MUC7: variants seen among roughly 807,000 people sequenced by gnomAD.
MUC7 encodes the protein mucin-7.
Under a neutral mutation model 2.5 loss-of-function variants are expected in MUC7, and 2 were observed. The ratio of observed to expected loss-of-function variants is 0.81; its 90% CI spans 0.33 to 2.55. MUC7 has a LOEUF of 2.55. Ranked by LOEUF, MUC7 falls within the 30% of genes most tolerant of loss-of-function variation. The pLI, the probability that MUC7 is intolerant of heterozygous loss-of-function variation, is 0.11. For missense variants in MUC7, 408 were observed against 455.6 expected (o/e 0.90, Z 0.95); for synonymous variants, 133 against 173.4 (o/e 0.77, Z 1.83).
chr4:70,481,654 AC>A lies in MUC7; in HGVS notation c.911del (p.Thr304LysfsTer60). ...PPSSPAPQET[T>X]AAPITTPNSS... ...GTCTTCCCCAGCTCCACAAGAGACCACAGCTGCCCCAATTACCACACCTAAT... is the reference window on the plus strand; with the variant it reads ...GTCTTCCCCAGCTCCACAAGAGACCAAGCTGCCCCAATTACCACACCTAAT... On this transcript the variant is annotated frameshift_variant, in exon 3 of 3. Transcript: ENST00000304887. LOFTEE classifies it low-confidence loss of function (END_TRUNC). The A allele has an allele frequency of 6.2e-7, 1 of 1,614,142 alleles. No individual in the cohort carries two copies. Among genetic ancestry groups the A allele is most frequent in the East Asian group, 2.2e-5 (1 of 44,882 alleles).
At chr4:70,458,845 A>G (rs1410315396) in intron 1 of MUC7, among the ~76,000 whole-genome samples, 1 of 152,120 alleles carries the variant, frequency 6.6e-6, no homozygotes, top group Admixed American at 6.5e-5. Flanking sequence ...AACAGAAAAA[A>G]AGAAAAATTG....
At chr4:70,431,984 A>G (rs899539480) in intron 1 of MUC7, among the ~76,000 whole-genome samples, 1 of 151,980 alleles carries the variant, frequency 6.6e-6, no homozygotes, top group Non-Finnish European at 1.5e-5. Flanking sequence ...ACCTATGAGT[A>G]AGAACATGCA....
intron 1 of MUC7, among the ~76,000 whole-genome samples, chr4:70,435,498 T>C (rs1462371093): frequency 1.3e-5 from 2 of 152,270 alleles, no homozygotes; most frequent in African/African-American, 4.8e-5. Context: ...GTTTAAAGTC[T>C]GTTTTATCAG....
intron 2 of MUC7, among the ~76,000 whole-genome samples, chr4:70,479,707 A>C (rs1361812852): frequency 2.0e-5 from 3 of 152,232 alleles, no homozygotes; most frequent in African/African-American, 7.2e-5. Flanking sequence ...CTCTAACTCA[A>C]ATAATGTCAG....
chr4:70,478,013 C>T (rs553569727), intron 2 of MUC7, among the ~76,000 whole-genome samples: 2 of 152,078 alleles, frequency 1.3e-5, no homozygotes, highest in East Asian at 3.9e-4. Context: ...CTAAATCCAA[C>T]TCTAGTCTAC....
chr4:70,479,439 T>C (rs1262433393), intron 2 of MUC7, among the ~76,000 whole-genome samples: 4 of 152,218 alleles, frequency 2.6e-5, no homozygotes, highest in African/African-American at 9.6e-5. Context: ...CTAAACTTTG[T>C]GTCCAAAGAA....
intron 1 of MUC7, among the ~76,000 whole-genome samples, chr4:70,441,041 C>G (rs1733991738): frequency 6.6e-6 from 1 of 152,038 alleles, no homozygotes; most frequent in South Asian, 2.1e-4. Context: ...AAAGAGTAAA[C>G]TATAAAGATT....
chr4:70,444,957 C>T (rs1734091546), intron 1 of MUC7, among the ~76,000 whole-genome samples: 1 of 152,134 alleles, frequency 6.6e-6, no homozygotes, highest in African/African-American at 2.4e-5. Flanking sequence ...GAGGCTGAGG[C>T]AAGAGAATCG....
chr4:70,448,560 T>A (rs1734198508), intron 1 of MUC7, among the ~76,000 whole-genome samples: 1 of 152,228 alleles, frequency 6.6e-6, no homozygotes, highest in Non-Finnish European at 1.5e-5. Context: ...GTCTGCCATT[T>A]GTATGTCTTC....
intron 1 of MUC7, among the ~76,000 whole-genome samples, chr4:70,461,177 C>G (rs1229364444): frequency 1.3e-5 from 2 of 152,186 alleles, no homozygotes; most frequent in African/African-American, 2.4e-5. Context: ...ACTGTAGTGG[C>G]CTCTCCTAGA....
chr4:70,461,850 G>C (rs781725392), intron 1 of MUC7, among the ~76,000 whole-genome samples: 1 of 150,686 alleles, frequency 6.6e-6, no homozygotes, highest in Admixed American at 6.6e-5. Flanking sequence ...GCTAAAAAGA[G>C]CCAGCTTTAG....
intron 1 of MUC7, among the ~76,000 whole-genome samples, chr4:70,431,917 G>A (rs1733678065): frequency 6.6e-6 from 1 of 151,928 alleles, no homozygotes; most frequent in Non-Finnish European, 1.5e-5. Context: ...CCCACGACAG[G>A]CCCCGGTGTG....
intron 2 of MUC7, among the ~76,000 whole-genome samples, chr4:70,479,635 G>C (rs1203176701): frequency 6.6e-6 from 1 of 152,128 alleles, no homozygotes; most frequent in Admixed American, 6.5e-5. Flanking sequence ...TTGAATACAG[G>C]GAAGAGGGAT....
chr4:70,458,142 C>T (rs2029496), intron 1 of MUC7, among the ~76,000 whole-genome samples: 122,083 of 151,696 alleles, frequency 0.8, 49,607 homozygotes, highest in Middle Eastern at 0.88. Flanking sequence ...CTAAATTAAG[C>T]TTATTCTGGG....
intron 1 of MUC7, among the ~76,000 whole-genome samples, chr4:70,446,593 T>C (rs927462381): frequency 6.6e-6 from 1 of 152,210 alleles, no homozygotes; most frequent in Non-Finnish European, 1.5e-5. Flanking sequence ...AAATATGACC[T>C]CATCTTAACT....
At chr4:70,450,250 G>A (rs748525149) in intron 1 of MUC7, among the ~76,000 whole-genome samples, 7 of 152,176 alleles carry the variant, frequency 4.6e-5, no homozygotes, top group Non-Finnish European at 1.0e-4. Flanking sequence ...GGCACAAGGG[G>A]TACTGACAGA....
chr4:70,452,015 T>A (rs1734292611), intron 1 of MUC7, among the ~76,000 whole-genome samples: 2 of 152,222 alleles, frequency 1.3e-5, no homozygotes, highest in Non-Finnish European at 2.9e-5. Flanking sequence ...TATATACTGA[T>A]CTTATTTGTC....
chr4:70,474,925 G>A (rs1734950720), intron 2 of MUC7, among the ~76,000 whole-genome samples: 3 of 152,120 alleles, frequency 2.0e-5, no homozygotes, highest in Admixed American at 2.0e-4. Context: ...GTGGGTTTAG[G>A]ATATATTTTA....
chr4:70,437,095 C>T (rs1043306010), intron 1 of MUC7, among the ~76,000 whole-genome samples: 1 of 152,124 alleles, frequency 6.6e-6, no homozygotes, highest in East Asian at 1.9e-4. Flanking sequence ...AGGGTACCCA[C>T]CTGTATGAGG....
Sources: allele counts gnomAD v4.1 joint callset (sites outside exome capture counted in the v4.1 genomes callset), GRCh38; gene constraint gnomAD v4.1.1; transcripts MANE v1.5; gene names NCBI Gene and HGNC (gene_info 2026-07-23, HGNC 2026-07-21).